UBE2U: variants seen among roughly 807,000 people sequenced by gnomAD.
The protein encoded by UBE2U is ubiquitin-conjugating enzyme E2 U.
A neutral mutation model predicts 41.2 loss-of-function variants in UBE2U; 39 were observed. The observed-to-expected ratio is 0.95, with a 90% CI of 0.73 to 1.24. UBE2U has a LOEUF of 1.24. UBE2U is among the 50% of genes most tolerant of loss of function. The pLI, the probability that UBE2U is intolerant of heterozygous loss-of-function variation, is 0.00. For synonymous variants in UBE2U, 107 were observed against 117.8 expected (o/e 0.91, Z 0.60); for missense variants, 336 against 363.1 (o/e 0.93, Z 0.61).
chr1:64,255,749 T>C (rs913038462), intron 8 of UBE2U, among the ~76,000 whole-genome samples: 3 of 152,134 alleles, frequency 2.0e-5, no homozygotes, highest in Non-Finnish European at 2.9e-5. Context: ...AACATAGTAT[T>C]GGAAGTTCTG....
At chr1:64,264,783 T>G (rs1645230078) in intron 9 of UBE2U, among the ~76,000 whole-genome samples, 1 of 151,706 alleles carries the variant, frequency 6.6e-6, no homozygotes, top group South Asian at 2.1e-4. Context: ...TAAAACCCCA[T>G]CCCTACTAAA....
chr1:64,206,114 T>G (rs1651282605), intron 2 of UBE2U, among the ~76,000 whole-genome samples: 1 of 152,200 alleles, frequency 6.6e-6, no homozygotes, highest in Non-Finnish European at 1.5e-5. Flanking sequence ...CTTTATGATT[T>G]TCCCCCAAAT....
chr1:64,228,078 A>G (rs959109813), intron 6 of UBE2U, among the ~76,000 whole-genome samples: 2 of 152,232 alleles, frequency 1.3e-5, no homozygotes, highest in African/African-American at 2.4e-5. Flanking sequence ...AGCTCTAAAT[A>G]TATATCTAAA....
chr1:64,221,831 A>C (rs1475050793), intron 6 of UBE2U, among the ~76,000 whole-genome samples: 2 of 152,210 alleles, frequency 1.3e-5, no homozygotes, highest in Admixed American at 6.5e-5. Context: ...TCACGCCTGT[A>C]ATCCCAGCAC....
intron 8 of UBE2U, among the ~76,000 whole-genome samples, chr1:64,254,637 C>T (rs1318786732): frequency 6.6e-6 from 1 of 152,112 alleles, no homozygotes; most frequent in Non-Finnish European, 1.5e-5. Context: ...ATTGAGCAAC[C>T]TGCTCCTGAA....
At chr1:64,240,404 C>G (rs1198357456) in intron 7 of UBE2U, among the ~76,000 whole-genome samples, 1 of 152,168 alleles carries the variant, frequency 6.6e-6, no homozygotes, top group Non-Finnish European at 1.5e-5. Flanking sequence ...GAGGGATGAA[C>G]TTAGTATTGC....
chr1:64,226,298 G>T (rs191930369), intron 6 of UBE2U, among the ~76,000 whole-genome samples: 200 of 152,300 alleles, frequency 1.3e-3, no homozygotes, highest in African/African-American at 4.3e-3. Context: ...CAATTTATAT[G>T]AAGTTCTAGG....
At chr1:64,221,408 C>T (rs1051834187) in intron 6 of UBE2U, among the ~76,000 whole-genome samples, 8 of 152,228 alleles carry the variant, frequency 5.3e-5, no homozygotes, top group South Asian at 4.1e-4. Context: ...CCACTGTGCC[C>T]GGCCGATCTT....
chr1:64,232,322 G>T (rs1314499878), intron 6 of UBE2U, among the ~76,000 whole-genome samples: 1 of 151,820 alleles, frequency 6.6e-6, no homozygotes, highest in Non-Finnish European at 1.5e-5. Flanking sequence ...TATACATGTG[G>T]GTCCATATTT....
At chr1:64,204,181 C>G in intron 1 of UBE2U, 65 bp downstream of exon 1, 1 of 1,478,406 alleles carries the variant, frequency 6.8e-7, no homozygotes, top group East Asian at 2.3e-5. Flanking sequence ...GCAGTTTAAC[C>G]CATTTTATTC....
intron 7 of UBE2U, among the ~76,000 whole-genome samples, chr1:64,234,345 A>C (rs573883701): frequency 1.3e-5 from 2 of 152,034 alleles, no homozygotes; most frequent in South Asian, 4.2e-4. Context: ...ACATCTCTTT[A>C]TCTCTCTCAT....
At chr1:64,205,592 A>G (rs1378607889) in intron 1 of UBE2U, 47 bp from the exon 2 acceptor site, 1 of 1,501,562 alleles carries the variant, frequency 6.7e-7, no homozygotes, top group Non-Finnish European at 9.2e-7. Flanking sequence ...AACTTCAATA[A>G]ATACTTAATA....
At chr1:64,213,298 A>C (rs1651771840) in intron 4 of UBE2U, among the ~76,000 whole-genome samples, 1 of 152,214 alleles carries the variant, frequency 6.6e-6, no homozygotes. Context: ...AGAAATGGTC[A>C]GTCTCCAGTT....
Position 64,239,157 on chromosome 1 carries a change from A to AAGGAGAAGAAG in UBE2U, c.596-2494_596-2493insGGAGAAGAAGA. ...GAAGAAGAAGAAGAAGAAGAAGAAG[A>AAGGAGAAGAAG]AAGAAGAAGAAGAAGAAGAAGAAGA... On this transcript the variant is annotated intron_variant, in intron 7 of 9. Transcript: ENST00000371077. Among the ~76,000 whole-genome samples the AAGGAGAAGAAG allele has an allele frequency of 3.2e-4, 12 of 37,072 alleles. 1 individual carries two copies. Among genetic ancestry groups the AAGGAGAAGAAG allele is most frequent in the African/African-American group, 9.3e-4 (11 of 11,858 alleles). 24.3% of individuals were successfully genotyped at this position (37,072 alleles called of 152,430 possible).
intron 8 of UBE2U, among the ~76,000 whole-genome samples, chr1:64,248,791 C>T (rs750668601): frequency 2.7e-4 from 41 of 152,164 alleles, no homozygotes; most frequent in Non-Finnish European, 4.4e-4. Flanking sequence ...TTTCTAAAGT[C>T]ATATTTGCCC....
chr1:64,233,506 A>G (rs1406400764), intron 7 of UBE2U, among the ~76,000 whole-genome samples: 1 of 152,210 alleles, frequency 6.6e-6, no homozygotes, highest in Non-Finnish European at 1.5e-5. Flanking sequence ...TCCCAATCTT[A>G]TGAGGTTTAC....
intron 7 of UBE2U, among the ~76,000 whole-genome samples, chr1:64,239,090 G>GAAT (rs1557729590): frequency 2.1e-5 from 1 of 48,120 alleles, no homozygotes; most frequent in African/African-American, 8.2e-5. Context: ...GGAAGAGGAA[G>GAAT]AGGAAGAAGA....
At position 64,212,598 on chromosome 1, in the gene UBE2U, T is replaced by C. The variant is rs1175763448; in HGVS notation, c.339+1759T>C. 2.0e-5 allele frequency among the ~76,000 whole-genome samples: 3 copies of C among 152,186 alleles called. No individual in the cohort carries two copies. In the East Asian group the frequency reaches 5.8e-4, roughly 29 times the overall value. On this transcript the variant is annotated intron_variant, in intron 4 of 9. Transcript: ENST00000371077. Reference sequence around the variant, plus strand: ...TCCAAGAAAATAACTCAATAGTTAATACAGGTCGAGTATTTCTTATCTGAA... The same window carrying C: ...TCCAAGAAAATAACTCAATAGTTAACACAGGTCGAGTATTTCTTATCTGAA...
At chr1:64,263,352 G>C (rs530906953) in intron 9 of UBE2U, among the ~76,000 whole-genome samples, 1 of 152,246 alleles carries the variant, frequency 6.6e-6, no homozygotes, top group African/African-American at 2.4e-5. Flanking sequence ...CCAGGGTTTG[G>C]AAAGGGTTTG....
Sources: allele counts gnomAD v4.1 joint callset (sites outside exome capture counted in the v4.1 genomes callset), GRCh38; gene constraint gnomAD v4.1.1; transcripts MANE v1.5; gene names NCBI Gene and HGNC (gene_info 2026-07-23, HGNC 2026-07-21).